Variants in NALF1 observed in about 807,000 individuals in gnomAD.
The protein encoded by NALF1 is NALCN channel auxiliary factor 1.
In NALF1, 3 loss-of-function variants were observed where a neutral mutation model predicts 48.4. That is an observed-to-expected ratio of 0.06 (90% CI 0.03 to 0.16). The LOEUF (loss-of-function observed/expected upper bound fraction) is 0.16. Among genes scored for constraint, NALF1 ranks in the 10% least tolerant of loss-of-function variants. The pLI, the probability that NALF1 is intolerant of heterozygous loss-of-function variation, is 1.00. For missense variants in NALF1, 526 were observed against 571.5 expected (o/e 0.92, Z 0.81); for synonymous variants, 262 against 245.7 (o/e 1.07, Z -0.62).
chr13:107,785,739 T>C (rs1250639334), intron 1 of NALF1, among the ~76,000 whole-genome samples: 1 of 152,184 alleles, frequency 6.6e-6, no homozygotes, highest in Non-Finnish European at 1.5e-5. Context: ...TAAATACCTA[T>C]AATAATGGTT....
intron 1 of NALF1, among the ~76,000 whole-genome samples, chr13:107,645,259 A>C (rs1239413229): frequency 6.6e-6 from 1 of 152,144 alleles, no homozygotes; most frequent in Non-Finnish European, 1.5e-5. Context: ...ACCAACACTT[A>C]GTATTGTCCT....
intron 1 of NALF1, among the ~76,000 whole-genome samples, chr13:107,312,186 T>C (rs1882059113): frequency 6.6e-6 from 1 of 152,114 alleles, no homozygotes; most frequent in South Asian, 2.1e-4. Context: ...TGTCCAACAA[T>C]GATAGACTGG....
Position 107,362,369 on chromosome 13 carries a change from G to T in NALF1, c.916-151614C>A, listed in dbSNP as rs959139459. Reference sequence around the variant, plus strand: ...TGGAGGAGAACAGTCTGAAATCAAGGTGGTGTCAGGACCATGCTTCCTCTG... The same window carrying T: ...TGGAGGAGAACAGTCTGAAATCAAGTTGGTGTCAGGACCATGCTTCCTCTG... On this transcript the variant is annotated intron_variant, in intron 1 of 2. Coordinates refer to ENST00000375915, the MANE Select transcript of NALF1 (RefSeq NM_001080396.3). The surrounding 1 kb of genome is among the most constrained non-coding windows in gnomAD (Gnocchi z 4.6). 1.3e-5 allele frequency among the ~76,000 whole-genome samples: 2 copies of T among 152,144 alleles called. No individual in the cohort carries two copies. Among genetic ancestry groups the T allele is most frequent in the Admixed American group, 6.5e-5 (1 of 15,268 alleles).
At chr13:107,296,633 T>C (rs919342931) in intron 1 of NALF1, among the ~76,000 whole-genome samples, 1 of 152,220 alleles carries the variant, frequency 6.6e-6, no homozygotes, top group Non-Finnish European at 1.5e-5. Flanking sequence ...TTTAAATTGA[T>C]GAGCAATGAG....
intron 1 of NALF1, among the ~76,000 whole-genome samples, chr13:107,598,707 T>C (rs1878828021): frequency 6.6e-6 from 1 of 152,176 alleles, no homozygotes; most frequent in Non-Finnish European, 1.5e-5. Context: ...AGGATCATCT[T>C]TCTTCGTGTC....
chr13:107,381,524 T>C (rs1490341450), intron 1 of NALF1, among the ~76,000 whole-genome samples: 1 of 152,128 alleles, frequency 6.6e-6, no homozygotes, highest in Admixed American at 6.6e-5. Context: ...AAGGGTATTA[T>C]AGCCCTTTCT....
chr13:107,236,377 G>A (rs1880342248), intron 1 of NALF1, among the ~76,000 whole-genome samples: 1 of 152,060 alleles, frequency 6.6e-6, no homozygotes, highest in South Asian at 2.1e-4. Flanking sequence ...AGCTGCATTT[G>A]GCTGGAAAGT....
intron 2 of NALF1, among the ~76,000 whole-genome samples, chr13:107,200,233 C>T (rs1428556992): frequency 6.6e-6 from 1 of 152,190 alleles, no homozygotes; most frequent in Non-Finnish European, 1.5e-5. Context: ...GGACCTCCTC[C>T]TGGGAGCCAC....
At chr13:107,839,405 T>C (rs540523327) in intron 1 of NALF1, among the ~76,000 whole-genome samples, 5 of 150,176 alleles carry the variant, frequency 3.3e-5, no homozygotes, top group African/African-American at 1.2e-4. Flanking sequence ...TATTATTTTA[T>C]ATACAGATAA....
At chr13:107,617,817 T>C (rs1879419831) in intron 1 of NALF1, among the ~76,000 whole-genome samples, 1 of 152,170 alleles carries the variant, frequency 6.6e-6, no homozygotes, top group South Asian at 2.1e-4. Context: ...ACACAAGTTA[T>C]CAGTATTTCC....
chr13:107,289,240 C>T (rs1010539490), intron 1 of NALF1, among the ~76,000 whole-genome samples: 3 of 152,200 alleles, frequency 2.0e-5, no homozygotes, highest in South Asian at 2.1e-4. Context: ...TGAACACATT[C>T]TTCCCTTTCC....
In NALF1 at chr13:107,285,010, C is replaced by T. The variant is rs180689669; in HGVS notation, c.916-74255G>A. ...TAAAAAATTCACTAGGAAAGTTCAA[C>T]AGCAGATTTGAGCAGAGAGAAAAAA... On this transcript the variant is annotated intron_variant, in intron 1 of 2. Transcript: ENST00000375915. Among the ~76,000 whole-genome samples the T allele has an allele frequency of 3.3e-5, 5 of 152,220 alleles. No homozygotes were observed. In the East Asian group the frequency reaches 9.6e-4, roughly 29 times the overall value.
intron 1 of NALF1, among the ~76,000 whole-genome samples, chr13:107,238,191 T>C (rs1376886718): frequency 1.3e-5 from 2 of 152,150 alleles, no homozygotes; most frequent in Non-Finnish European, 2.9e-5. Flanking sequence ...CCATATAACA[T>C]AGAGCCAGCA....
At chr13:107,423,012 G>T (rs575076022) in intron 1 of NALF1, among the ~76,000 whole-genome samples, 5 of 152,246 alleles carry the variant, frequency 3.3e-5, no homozygotes, top group African/African-American at 1.2e-4. Context: ...GAAACCTATT[G>T]TGACCTTCTG....
intron 1 of NALF1, among the ~76,000 whole-genome samples, chr13:107,342,096 T>C (rs1361322170): frequency 2.0e-5 from 3 of 152,160 alleles, no homozygotes; most frequent in African/African-American, 7.2e-5. Flanking sequence ...GATTTTGCCA[T>C]AATTGGTCCA....
chr13:107,355,605 G>T (rs987939244), intron 1 of NALF1, among the ~76,000 whole-genome samples: 2 of 152,056 alleles, frequency 1.3e-5, no homozygotes, highest in African/African-American at 4.8e-5. Context: ...GTTCTCATGA[G>T]ATCTGGTTGT....
intron 1 of NALF1, among the ~76,000 whole-genome samples, chr13:107,672,716 T>A (rs138063349): frequency 6.6e-6 from 1 of 152,294 alleles, no homozygotes; most frequent in East Asian, 1.9e-4. Flanking sequence ...AAACAGCAAT[T>A]CTGTCAATAC....
At chr13:107,716,426 G>A (rs747639982) in intron 1 of NALF1, among the ~76,000 whole-genome samples, 12 of 152,290 alleles carry the variant, frequency 7.9e-5, no homozygotes, top group Non-Finnish European at 1.2e-4. Flanking sequence ...CAAGAGAGAG[G>A]ACCGCCTGAT....
At chr13:107,327,913 G>A (rs1882394286) in intron 1 of NALF1, among the ~76,000 whole-genome samples, 1 of 151,522 alleles carries the variant, frequency 6.6e-6, no homozygotes, top group Non-Finnish European at 1.5e-5. Flanking sequence ...CAGCTTAAAA[G>A]TGCTTTACTT....
Sources: allele counts gnomAD v4.1 joint callset (sites outside exome capture counted in the v4.1 genomes callset), GRCh38; gene constraint gnomAD v4.1.1; non-coding constraint Gnocchi (gnomAD v3.1); transcripts MANE v1.5; gene names NCBI Gene and HGNC (gene_info 2026-07-23, HGNC 2026-07-21).